The following SCN10A variants were observed in gnomAD, a reference collection of about 807,000 sequenced individuals.
The protein encoded by SCN10A is sodium channel protein type 10 subunit alpha.
SCN10A carries 162 observed loss-of-function variants against 170.7 expected under a neutral mutation model. The ratio of observed to expected loss-of-function variants is 0.95; its 90% CI spans 0.84 to 1.08. The LOEUF (loss-of-function observed/expected upper bound fraction) is 1.08. Ranked by LOEUF, SCN10A falls within the 50% of genes least tolerant of loss-of-function variation. The pLI, the probability that SCN10A is intolerant of heterozygous loss-of-function variation, is 0.00. For synonymous variants in SCN10A, 985 were observed against 904.6 expected (o/e 1.09, Z -1.59); for missense variants, 2,527 against 2,436.9 (o/e 1.04, Z -0.78).
In SCN10A at chr3:38,793,888, A is replaced by C. The variant is rs747084510; in HGVS notation, c.123T>G (p.His41Gln). The C allele has an allele frequency of 2.5e-6, 4 of 1,613,950 alleles. No individual in the cohort carries two copies. The highest frequency in any genetic ancestry group is 3.4e-6 in the Non-Finnish European group (4 of 1,179,920). The stretch of plus-strand genomic sequence containing the variant: ...TCTCTTCTTGGTCCTTCTGCTCCCT[A>C]TGCTTCTCTCTGGCTTTCTTTGTTC... ...KQGTKKAREK[H>Q]REQKDQEEKP... The change falls in exon 2 of 28, where the codon CAT becomes CAG. Residue 41 changes from histidine to glutamine, a missense_variant. By Grantham distance (24) the His-to-Gln change is conservative. Coordinates refer to ENST00000449082, the MANE Select transcript of SCN10A (RefSeq NM_006514.4).
rs768502791 is a variant in SCN10A at position 38,697,389 on chromosome 3, T to A, written c.5831A>T (p.Asp1944Val). Residue 1944 changes from aspartate (D) to valine (V), a missense_variant, in exon 28 of 28, where the codon GAT becomes GTT. Coordinates refer to ENST00000449082, the MANE Select transcript of SCN10A (RefSeq NM_006514.4). ...AATCAGCTCCATACTGGTGGCTTCATCTTCATTTTGTATTGAGCTAGATGT... is the reference window on the plus strand; with the variant it reads ...AATCAGCTCCATACTGGTGGCTTCAACTTCATTTTGTATTGAGCTAGATGT... ...MRTSSSIQNE[D>V]EATSMELIAP... 3.7e-6 allele frequency: 6 copies of A among 1,614,182 alleles called. No individual in the cohort carries two copies. The highest frequency in any genetic ancestry group is 5.1e-6 in the Non-Finnish European group (6 of 1,180,016).
intron 13 of SCN10A, among the ~76,000 whole-genome samples, chr3:38,743,486 G>A (rs543259254): frequency 6.6e-6 from 1 of 152,278 alleles, no homozygotes; most frequent in Admixed American, 6.5e-5. Flanking sequence ...TTCCTTGCAA[G>A]AGTTTTCTAC....
At chr3:38,698,596 T>G in intron 27 of SCN10A, 34 bp from the exon 28 acceptor site, 1 of 1,583,572 alleles carries the variant, frequency 6.3e-7, no homozygotes, top group Non-Finnish European at 8.7e-7. Flanking sequence ...CTAATTAGTA[T>G]CTCCAGCCAT....
chr3:38,731,729 C>T lies in SCN10A; in HGVS notation c.2281-2828G>A, dbSNP rs116186275. 5.0e-3 allele frequency among the ~76,000 whole-genome samples: 764 copies of T among 151,888 alleles called. 10 individuals carry two copies. Among genetic ancestry groups the T allele is most frequent in the African/African-American group, 0.017 (723 of 41,400 alleles). ...TTCCACTTCATATTGCATACTAACTCCCCCCAGATTTGCATATGCAACCCA... is the reference window on the plus strand; with the variant it reads ...TTCCACTTCATATTGCATACTAACTTCCCCCAGATTTGCATATGCAACCCA... On this transcript the variant is annotated intron_variant, in intron 15 of 27. Transcript: ENST00000449082.
chr3:38,739,755 A>G, intron 14 of SCN10A, 67 bp from the exon 15 acceptor site: 2 of 1,292,030 alleles, frequency 1.5e-6, no homozygotes, highest in South Asian at 2.7e-5. Context: ...TAAAAATGGC[A>G]GCAAGAAAAT....
intron 4 of SCN10A, among the ~76,000 whole-genome samples, chr3:38,772,727 AAACAAAAAC>A (rs1447789544): frequency 4.5e-5 from 4 of 89,138 alleles, no homozygotes; most frequent in African/African-American, 2.2e-4. Context: ...ACAACAACAA[AAACAAAAAC>A]AAAAAAAAAA....
rs866739968 is a variant in SCN10A at position 38,697,593 on chromosome 3, G to T, written c.5627C>A (p.Thr1876Asn). ...CTCCTCAGCTCTGGGCACACATGGG[G>T]TGTTAGAGAGTGCCATGGAGCGGTG... ...VLHRSMALSN[T>N]PCVPRAEEEA... Residue 1876 changes from threonine to asparagine, a missense_variant, in exon 28 of 28, where the codon ACC becomes AAC. Thr to Asn is a moderately conservative substitution (Grantham distance 65). Transcript: ENST00000449082. 1 of 1,614,200 alleles carries T rather than the reference G, an allele frequency of 6.2e-7. No individual in the cohort carries two copies. Among genetic ancestry groups the T allele is most frequent in the African/African-American group, 1.3e-5 (1 of 75,058 alleles).
chr3:38,736,361 CTGTGTGTG>C (rs68001863), intron 15 of SCN10A, among the ~76,000 whole-genome samples: 4,209 of 139,454 alleles, frequency 0.03, 162 homozygotes, highest in African/African-American at 0.088. Flanking sequence ...TAGGGAAACT[CTGTGTGTG>C]TGTGTGTGTG....
intron 4 of SCN10A, among the ~76,000 whole-genome samples, chr3:38,776,989 T>C (rs1039194415): frequency 1.3e-5 from 2 of 152,040 alleles, no homozygotes; most frequent in African/African-American, 2.4e-5. Context: ...CACCCATTCA[T>C]GATGAAAGTC....
At chr3:38,738,088 G>A (rs1020141845) in intron 15 of SCN10A, among the ~76,000 whole-genome samples, 4 of 151,688 alleles carry the variant, frequency 2.6e-5, no homozygotes, top group African/African-American at 9.7e-5. Flanking sequence ...TAACAGATGT[G>A]CACCACCATG....
chr3:38,720,307 CTATT>C (rs1245790603), intron 20 of SCN10A, among the ~76,000 whole-genome samples: 1 of 152,150 alleles, frequency 6.6e-6, no homozygotes, highest in African/African-American at 2.4e-5. Flanking sequence ...TAATATGAGA[CTATT>C]TACTGAGAAA....
chr3:38,718,866 A>G (rs1575948770), intron 20 of SCN10A, 40 bp from the exon 21 acceptor site: 1 of 1,597,428 alleles, frequency 6.3e-7, no homozygotes, highest in South Asian at 1.1e-5. Context: ...GGCTGCCTGG[A>G]CCCACAGCAC....
In SCN10A at chr3:38,721,285, G is replaced by A. The variant is rs6767699; in HGVS notation, c.3507+973C>T. On this transcript the variant is annotated intron_variant, in intron 20 of 27. Coordinates refer to ENST00000449082, the MANE Select transcript of SCN10A (RefSeq NM_006514.4). ...AGTGAAAACACTGCAGCCGTGAATC[G>A]GAAGAGCGGGACTGTAGTCCTAGCC... Among the ~76,000 whole-genome samples, 651 of 152,258 alleles carry A rather than the reference G, an allele frequency of 4.3e-3. 2 individuals are homozygous for A. Among genetic ancestry groups the A allele is most frequent in the African/African-American group, 0.015 (612 of 41,560 alleles).
At chr3:38,737,798 C>CTCTTTCTTTCCT (rs2063583185) in intron 15 of SCN10A, among the ~76,000 whole-genome samples, 1 of 93,608 alleles carries the variant, frequency 1.1e-5, no homozygotes, top group African/African-American at 5.1e-5. Context: ...CCCTCCCTTC[C>CTCTTTCTTTCCT]TCTTTCTTTC....
At chr3:38,754,041 C>T (rs2063776627) in intron 11 of SCN10A, among the ~76,000 whole-genome samples, 1 of 152,186 alleles carries the variant, frequency 6.6e-6, no homozygotes, top group African/African-American at 2.4e-5. Flanking sequence ...AGGATGCCTT[C>T]CTGAGTGGGC....
intron 1 of SCN10A, among the ~76,000 whole-genome samples, chr3:38,814,470 A>G (rs1037283442): frequency 6.6e-6 from 1 of 152,190 alleles, no homozygotes; most frequent in Non-Finnish European, 1.5e-5. Context: ...AAGGGAATAC[A>G]TGACTGCACA....
At chr3:38,734,138 C>T (rs2063537336) in intron 15 of SCN10A, among the ~76,000 whole-genome samples, 1 of 152,198 alleles carries the variant, frequency 6.6e-6, no homozygotes, top group African/African-American at 2.4e-5. Flanking sequence ...TCTCATGCCT[C>T]ACCCTCCTGA....
chr3:38,707,216 A>G, intron 26 of SCN10A, 63 bp downstream of exon 26: 1 of 1,545,500 alleles, frequency 6.5e-7, no homozygotes, highest in Non-Finnish European at 8.9e-7. Context: ...TGCCTGACAC[A>G]GGCATAGACT....
chr3:38,752,635 A>G (rs2063762070), intron 11 of SCN10A, 123 bp from the exon 12 acceptor site: 1 of 709,014 alleles, frequency 1.4e-6, no homozygotes, highest in Admixed American at 3.8e-5. Flanking sequence ...TTCAGTCACT[A>G]AGTAAAGGCA....
Sources: allele counts gnomAD v4.1 joint callset (sites outside exome capture counted in the v4.1 genomes callset), GRCh38; gene constraint gnomAD v4.1.1; transcripts MANE v1.5; gene names NCBI Gene and HGNC (gene_info 2026-07-23, HGNC 2026-07-21).